DPP10: variants seen among roughly 807,000 people sequenced by gnomAD.
The protein encoded by DPP10 is dipeptidyl peptidase like 10, also known as inactive dipeptidyl peptidase 10.
Under a neutral mutation model 120.9 loss-of-function variants are expected in DPP10, and 33 were observed. That is an observed-to-expected ratio of 0.27 (90% CI 0.21 to 0.37). The LOEUF is 0.37. DPP10 is among the 10% of genes least tolerant of loss of function. DPP10 has a pLI of 1.00. For missense variants in DPP10, 816 were observed against 942.8 expected, an observed-to-expected ratio of 0.87 and a Z score of 1.76; for synonymous variants, 337 against 326.1, an observed-to-expected ratio of 1.03 and a Z score of -0.36.
chr2:115,078,477 T>C (rs1339622441), intron 1 of DPP10, among the ~76,000 whole-genome samples: 4 of 152,212 alleles, frequency 2.6e-5, no homozygotes, highest in Non-Finnish European at 2.9e-5. Flanking sequence ...TTCCATTATA[T>C]GTTTTAAATT....
intron 1 of DPP10, among the ~76,000 whole-genome samples, chr2:114,582,890 G>T (rs1690652189): frequency 6.6e-6 from 1 of 152,070 alleles, no homozygotes; most frequent in Non-Finnish European, 1.5e-5. Context: ...AATAATACAG[G>T]TTTGACTTGT....
chr2:114,496,187 T>C (rs1682502878), intron 1 of DPP10, among the ~76,000 whole-genome samples: 1 of 152,042 alleles, frequency 6.6e-6, no homozygotes, highest in Admixed American at 6.6e-5. Flanking sequence ...GAGAAGATGT[T>C]TGGGGTTCTT....
intron 1 of DPP10, among the ~76,000 whole-genome samples, chr2:115,147,167 CATATATAGTGTGTGT>C (rs2051271777): frequency 6.6e-6 from 1 of 150,740 alleles, no homozygotes; most frequent in Non-Finnish European, 1.5e-5. Flanking sequence ...TATATATATG[CATATATAGTGTGTGT>C]ATATATATAG....
At chr2:115,332,971 A>G (rs1025056989) in intron 2 of DPP10, among the ~76,000 whole-genome samples, 3 of 151,928 alleles carry the variant, frequency 2.0e-5, no homozygotes, top group African/African-American at 4.8e-5. Flanking sequence ...CAATTCCTGG[A>G]TGTCCTTTTT....
intron 1 of DPP10, among the ~76,000 whole-genome samples, chr2:115,256,385 T>C (rs955751547): frequency 6.6e-6 from 1 of 152,264 alleles, no homozygotes; most frequent in Non-Finnish European, 1.5e-5. Context: ...AAGATGAGAT[T>C]TGAGTGGAGA....
At chr2:114,491,456 TTC>T (rs1681993048) in intron 1 of DPP10, among the ~76,000 whole-genome samples, 1 of 152,216 alleles carries the variant, frequency 6.6e-6, no homozygotes, top group South Asian at 2.1e-4. Context: ...ATTACTTCCT[TTC>T]TTTGCATCTC....
chr2:115,581,656 A>G (rs2082009605), intron 5 of DPP10, among the ~76,000 whole-genome samples: 2 of 152,136 alleles, frequency 1.3e-5, no homozygotes, highest in South Asian at 4.2e-4. Flanking sequence ...TACTTCATTA[A>G]TTTTACTCAG....
At chr2:115,126,815 A>G (rs1161898167) in intron 1 of DPP10, among the ~76,000 whole-genome samples, 2 of 152,222 alleles carry the variant, frequency 1.3e-5, no homozygotes, top group Admixed American at 1.3e-4. Context: ...CCACTGCTAC[A>G]GAAGCACAGA....
chr2:114,741,868 T>C (rs1015898770), intron 1 of DPP10, among the ~76,000 whole-genome samples: 2 of 152,146 alleles, frequency 1.3e-5, no homozygotes, highest in Admixed American at 6.5e-5. Context: ...AGAGAGAACA[T>C]GGCTATGTAG....
intron 1 of DPP10, among the ~76,000 whole-genome samples, chr2:114,760,691 T>C (rs1263570826): frequency 1.3e-5 from 2 of 152,084 alleles, no homozygotes; most frequent in Middle Eastern, 3.2e-3. Flanking sequence ...CTTAGGATAA[T>C]GCCATATGAT....
chr2:115,750,457 CAATTA>C (rs895155791), intron 10 of DPP10, among the ~76,000 whole-genome samples: 16 of 152,110 alleles, frequency 1.1e-4, no homozygotes, highest in Admixed American at 9.8e-4. Flanking sequence ...TAGACTTTAC[CAATTA>C]AAATTTGTGG....
chr2:115,633,384 G>A (rs2086052359), intron 5 of DPP10, among the ~76,000 whole-genome samples: 1 of 152,108 alleles, frequency 6.6e-6, no homozygotes, highest in Admixed American at 6.5e-5. Context: ...TGAACAATGA[G>A]AACACTTGGA....
At chr2:114,673,299 T>C (rs1209791095) in intron 1 of DPP10, among the ~76,000 whole-genome samples, 1 of 152,170 alleles carries the variant, frequency 6.6e-6, no homozygotes, top group Non-Finnish European at 1.5e-5. Flanking sequence ...CACATGCTGA[T>C]TAATAAACAT....
intron 1 of DPP10, among the ~76,000 whole-genome samples, chr2:114,749,628 C>A (rs1679011000): frequency 8.1e-6 from 1 of 123,664 alleles, no homozygotes; most frequent in African/African-American, 3.0e-5. Context: ...ACTCTGTCGC[C>A]CAGGCTAGAG....
chr2:115,033,290 A>G (rs925458495), intron 1 of DPP10, among the ~76,000 whole-genome samples: 1 of 152,194 alleles, frequency 6.6e-6, no homozygotes, highest in Non-Finnish European at 1.5e-5. Flanking sequence ...GCTTTGTTAT[A>G]TAAACCGAGC....
intron 1 of DPP10, among the ~76,000 whole-genome samples, chr2:114,559,112 A>G (rs951311786): frequency 3.3e-5 from 5 of 152,184 alleles, no homozygotes; most frequent in Non-Finnish European, 7.3e-5. Flanking sequence ...TGGGCAGAAT[A>G]ATGCCCCTTC....
chr2:115,161,876 T>C, intron 1 of DPP10: 2 of 1,246,372 alleles, frequency 1.6e-6, no homozygotes, highest in Non-Finnish European at 1.0e-6. Flanking sequence ...CGGGCGCCCG[T>C]GACCTGCGAA....
chr2:115,111,107 A>T (rs1172503793), intron 1 of DPP10, among the ~76,000 whole-genome samples: 2 of 152,202 alleles, frequency 1.3e-5, no homozygotes, highest in Non-Finnish European at 2.9e-5. Flanking sequence ...AATGCTCAAA[A>T]GATAATGTCC....
In DPP10 at chr2:114,624,766, A is replaced by G. The variant is rs544929746; in HGVS notation, c.60+181928A>G. ...ATAAACATCAGGCTTGGTTACACTC[A>G]TTAATGAAAGAAAATATGAAGCATA... On this transcript the variant is annotated intron_variant, in intron 1 of 25. Coordinates refer to ENST00000410059, the MANE Select transcript of DPP10 (RefSeq NM_020868.6). Among the ~76,000 whole-genome samples the G allele has an allele frequency of 3.6e-4, 54 of 152,096 alleles. No homozygotes were observed. In the East Asian group the frequency reaches 0.01, roughly 29 times the overall value.
Sources: gnomAD v4.1 joint callset for allele counts (sites outside exome capture counted in the v4.1 genomes callset) on GRCh38, gnomAD v4.1.1 for gene constraint, MANE v1.5 for transcripts, NCBI Gene and HGNC (gene_info 2026-07-23, HGNC 2026-07-21) for gene names.